The following JAK1 variants were observed in gnomAD, a reference collection of about 807,000 sequenced individuals.
JAK1 encodes the protein Janus kinase 1.
In JAK1, 16 loss-of-function variants were observed where a neutral mutation model predicts 136.6. That is an observed-to-expected ratio of 0.12 (90% confidence interval 0.08 to 0.18). The LOEUF is 0.18. Ranked by LOEUF, JAK1 falls within the 10% of genes least tolerant of loss-of-function variation. JAK1 has a pLI of 1.00. For synonymous variants in JAK1, 492 were observed against 519.5 expected (o/e 0.95, Z 0.72); for missense variants, 859 against 1,450.1 (o/e 0.59, Z 6.62).
At chr1:64,927,619 T>C (rs1178849406) in intron 1 of JAK1, among the ~76,000 whole-genome samples, 3 of 152,180 alleles carry the variant, frequency 2.0e-5, no homozygotes, top group Non-Finnish European at 4.4e-5. Flanking sequence ...AATAAATGAA[T>C]GAACTATAGA....
At chr1:64,874,777 A>G (rs879545982) in intron 4 of JAK1, among the ~76,000 whole-genome samples, 7 of 152,162 alleles carry the variant, frequency 4.6e-5, no homozygotes, top group Admixed American at 3.9e-4. Flanking sequence ...CCCTGCAAAA[A>G]GCTGCTGCTA....
chr1:65,052,670 C>T (rs957553569), intron 1 of JAK1, among the ~76,000 whole-genome samples: 16 of 151,760 alleles, frequency 1.1e-4, no homozygotes, highest in Non-Finnish European at 1.8e-4. Flanking sequence ...AAAACTTAGC[C>T]GGGTGTGGTG....
At chr1:64,934,062 C>A (rs913727327) in intron 1 of JAK1, among the ~76,000 whole-genome samples, 7 of 152,106 alleles carry the variant, frequency 4.6e-5, no homozygotes, top group Non-Finnish European at 8.8e-5. Flanking sequence ...AAGCACAAAG[C>A]AGAAGGAAAG....
intron 1 of JAK1, among the ~76,000 whole-genome samples, chr1:64,905,341 GACA>G (rs1263207401): frequency 3.3e-5 from 5 of 152,172 alleles, no homozygotes; most frequent in African/African-American, 7.2e-5. Context: ...CACAAAAGCA[GACA>G]ACGTCAACTG....
chr1:64,859,840 T>C (rs1656177275), intron 9 of JAK1: 1 of 265,572 alleles, frequency 3.8e-6, no homozygotes, highest in African/African-American at 2.2e-5. Flanking sequence ...TAGTACTTCT[T>C]GATCAGCTAT....
intron 1 of JAK1, among the ~76,000 whole-genome samples, chr1:64,960,228 A>G (rs950384511): frequency 6.6e-6 from 1 of 152,242 alleles, no homozygotes; most frequent in Non-Finnish European, 1.5e-5. Context: ...ACCTTGTCTC[A>G]AAATAAAATA....
intron 2 of JAK1, among the ~76,000 whole-genome samples, chr1:64,885,922 A>G (rs1288297253): frequency 1.3e-5 from 2 of 152,226 alleles, no homozygotes. Context: ...TGAAAAAAGC[A>G]TAATATGGAT....
At chr1:65,054,538 T>C (rs1647439935) in intron 1 of JAK1, among the ~76,000 whole-genome samples, 2 of 152,038 alleles carry the variant, frequency 1.3e-5, no homozygotes, top group African/African-American at 4.8e-5. Flanking sequence ...ACCGTTCCCT[T>C]CTTATGAGTT....
At chr1:64,978,226 C>T (rs936873949) in intron 2 of JAK1, among the ~76,000 whole-genome samples, 15 of 151,890 alleles carry the variant, frequency 9.9e-5, no homozygotes, top group South Asian at 4.2e-4. Context: ...TGCAGTGAGC[C>T]GAGATCACAC....
intron 1 of JAK1, among the ~76,000 whole-genome samples, chr1:64,913,699 G>GGAAGGAAA (rs1645335599): frequency 3.2e-5 from 1 of 31,204 alleles, no homozygotes; most frequent in African/African-American, 9.3e-5. Flanking sequence ...AAGGAAGGAA[G>GGAAGGAAA]GAAAGAAGGG....
intron 5 of JAK1, among the ~76,000 whole-genome samples, chr1:64,871,621 C>T (rs543358808): frequency 1.5e-4 from 23 of 152,288 alleles, no homozygotes; most frequent in African/African-American, 4.8e-4. Flanking sequence ...ATTATCCATC[C>T]GACATCACCC....
At chr1:64,917,531 A>T (rs1645420466) in intron 1 of JAK1, among the ~76,000 whole-genome samples, 1 of 152,166 alleles carries the variant, frequency 6.6e-6, no homozygotes, top group South Asian at 2.1e-4. Context: ...GGGCAACTTG[A>T]GGGATACTTA....
chr1:65,065,032 T>A (rs1054255914), intron 1 of JAK1, among the ~76,000 whole-genome samples: 10 of 152,168 alleles, frequency 6.6e-5, no homozygotes, highest in Non-Finnish European at 8.8e-5. Context: ...CACTATACAG[T>A]CTTCTCTCCC....
At position 64,984,626 on chromosome 1, in the gene JAK1, C is replaced by T; in HGVS notation, c.-78+59854G>A. On this transcript the variant is annotated intron_variant, in intron 2 of 25. Coordinates refer to the JAK1 transcript ENST00000671954. The surrounding 1 kb of genome is among the most constrained non-coding windows in gnomAD (Gnocchi z 4.1). Reference sequence around the variant, plus strand: ...ATGATTTAGACATTGGTGGTGGTCTCCTTAGCAGGCTGGATACTGTTCATC... The same window carrying T: ...ATGATTTAGACATTGGTGGTGGTCTTCTTAGCAGGCTGGATACTGTTCATC... 2 of 482,460 alleles carry T rather than the reference C, an allele frequency of 4.1e-6. No homozygotes were observed. Among genetic ancestry groups the T allele is most frequent in the Non-Finnish European group, 7.9e-6 (2 of 252,278 alleles). The allele number at this position is 482,460 out of a possible 1,614,324, so 29.9% of individuals were successfully genotyped here. A position where few individuals can be genotyped will look rare whatever the true frequency, so the allele number is the denominator to read the frequency against.
chr1:65,021,038 TCCTCTCCCTTC>T (rs1271104239), intron 2 of JAK1, among the ~76,000 whole-genome samples: 3 of 152,262 alleles, frequency 2.0e-5, no homozygotes, highest in Admixed American at 2.0e-4. Flanking sequence ...CTGATTTTGC[TCCTCTCCCTTC>T]CCTCTCCCAA....
chr1:65,035,773 A>G (rs906684983), intron 2 of JAK1, among the ~76,000 whole-genome samples: 3 of 152,082 alleles, frequency 2.0e-5, no homozygotes, highest in Admixed American at 1.3e-4. Context: ...CAACATAACT[A>G]AAAGAAAAGA....
intron 1 of JAK1, among the ~76,000 whole-genome samples, chr1:64,914,276 C>T (rs1349070790): frequency 6.6e-6 from 1 of 152,102 alleles, no homozygotes; most frequent in Non-Finnish European, 1.5e-5. Flanking sequence ...CTACTCGCTG[C>T]CTTATGGAAA....
At chr1:65,051,900 A>C (rs1306477973) in intron 1 of JAK1, among the ~76,000 whole-genome samples, 1 of 152,196 alleles carries the variant, frequency 6.6e-6, no homozygotes, top group African/African-American at 2.4e-5. Flanking sequence ...CATGTATTAC[A>C]ACCCGAAACC....
At chr1:65,033,653 C>T (rs752257659) in intron 2 of JAK1, among the ~76,000 whole-genome samples, 1 of 146,750 alleles carries the variant, frequency 6.8e-6, no homozygotes, top group Non-Finnish European at 1.5e-5. Context: ...TTTGGGAGGC[C>T]GAGGCAGGAG....
Sources: gnomAD v4.1 joint callset for allele counts (sites outside exome capture counted in the v4.1 genomes callset) on GRCh38, gnomAD v4.1.1 for gene constraint, Gnocchi (gnomAD v3.1) non-coding constraint, MANE v1.5 for transcripts, NCBI Gene and HGNC (gene_info 2026-07-23, HGNC 2026-07-21) for gene names.